CABLES1: variants seen among roughly 807,000 people sequenced by gnomAD.
The protein encoded by CABLES1 is CDK5 and ABL1 enzyme substrate 1.
A neutral mutation model predicts 57.8 loss-of-function variants in CABLES1; 36 were observed. The ratio of observed to expected loss-of-function variants is 0.62; its 90% CI spans 0.48 to 0.82. The LOEUF (loss-of-function observed/expected upper bound fraction) is 0.82. CABLES1 is among the 40% of genes least tolerant of loss of function. The pLI, the probability that CABLES1 is intolerant of heterozygous loss-of-function variation, is 0.00. For synonymous variants in CABLES1, 374 were observed against 363.0 expected, an observed-to-expected ratio of 1.03 and a Z score of -0.35; for missense variants, 767 against 836.6, an observed-to-expected ratio of 0.92 and a Z score of 1.03.
At chr18:23,151,810 C>A (rs1158382736) in intron 1 of CABLES1, among the ~76,000 whole-genome samples, 1 of 152,120 alleles carries the variant, frequency 6.6e-6, no homozygotes, top group Non-Finnish European at 1.5e-5. Context: ...TGGTGCAGAC[C>A]AGGGCCAGAA....
chr18:23,194,876 T>A (rs2047270801), intron 3 of CABLES1, among the ~76,000 whole-genome samples: 2 of 152,194 alleles, frequency 1.3e-5, no homozygotes, highest in African/African-American at 4.8e-5. Context: ...ATCTGCTTTG[T>A]TGGTTTTGTT....
At chr18:23,147,602 T>C (rs1162751899) in intron 1 of CABLES1, among the ~76,000 whole-genome samples, 3 of 152,244 alleles carry the variant, frequency 2.0e-5, no homozygotes, top group Non-Finnish European at 2.9e-5. Context: ...TGCTGCATTG[T>C]TTTAGTTTCA....
chr18:23,202,041 G>GT (rs1383069506), intron 3 of CABLES1, among the ~76,000 whole-genome samples: 2 of 148,782 alleles, frequency 1.3e-5, no homozygotes, highest in African/African-American at 5.1e-5. Context: ...GGAGGTGATT[G>GT]AGAGGAAGGA....
intron 1 of CABLES1, among the ~76,000 whole-genome samples, chr18:23,174,841 T>C (rs2047111405): frequency 7.0e-6 from 1 of 142,112 alleles, no homozygotes; most frequent in Admixed American, 7.1e-5. Context: ...TATATATATA[T>C]ATATATATAT....
intron 1 of CABLES1, among the ~76,000 whole-genome samples, chr18:23,161,039 AAG>A (rs1180660567): frequency 6.6e-6 from 1 of 151,894 alleles, no homozygotes; most frequent in Admixed American, 6.6e-5. Context: ...ACTCAAAAAA[AAG>A]AGAGAAGAAA....
rs1421074055 is a variant in CABLES1 at position 23,235,885 on chromosome 18, CA to C, written c.1186-9del. The C allele has an allele frequency of 6.2e-7, 1 of 1,613,158 alleles. No homozygotes were observed. Among genetic ancestry groups the C allele is most frequent in the Non-Finnish European group, 8.5e-7 (1 of 1,179,420 alleles). ...ATAATCACTGGCCTGTTTTTGTCTT[CA>C]CCTTTTAGACTGTTTCCTATACCCA... On this transcript the variant is annotated splice_polypyrimidine_tract_variant and intron_variant, in intron 5 of 9. Transcript: ENST00000256925.
intron 1 of CABLES1, among the ~76,000 whole-genome samples, chr18:23,186,573 G>GCAC (rs1449869283): frequency 2.6e-5 from 4 of 151,946 alleles, no homozygotes; most frequent in African/African-American, 9.7e-5. Flanking sequence ...TTACAAGCAT[G>GCAC]CACCACCACA....
intron 7 of CABLES1, among the ~76,000 whole-genome samples, chr18:23,246,597 T>C (rs147936330): frequency 0.015 from 2,264 of 151,864 alleles, 53 homozygotes; most frequent in African/African-American, 0.048. Flanking sequence ...TTCACCGTGT[T>C]AGCCAGGATG....
intron 1 of CABLES1, among the ~76,000 whole-genome samples, chr18:23,179,557 G>T (rs1394221390): frequency 6.6e-6 from 1 of 152,234 alleles, no homozygotes; most frequent in African/African-American, 2.4e-5. Flanking sequence ...GACTGGTCAA[G>T]ACCAAATGCT....
chr18:23,219,937 G>A (rs2047473967), intron 4 of CABLES1, among the ~76,000 whole-genome samples: 1 of 152,062 alleles, frequency 6.6e-6, no homozygotes, highest in South Asian at 2.1e-4. Context: ...GGGCAGATCT[G>A]GTGGCTTCTT....
chr18:23,143,448 A>G (rs976132219), intron 1 of CABLES1, among the ~76,000 whole-genome samples: 3 of 152,256 alleles, frequency 2.0e-5, no homozygotes, highest in Admixed American at 6.5e-5. Flanking sequence ...TGAAATGGGA[A>G]TGATACTACC....
At chr18:23,166,768 C>T (rs536828887) in intron 1 of CABLES1, among the ~76,000 whole-genome samples, 13 of 152,288 alleles carry the variant, frequency 8.5e-5, no homozygotes, top group African/African-American at 2.9e-4. Flanking sequence ...AGTGTCGTTT[C>T]TTCACTAACT....
At chr18:23,171,029 C>T (rs2047078607) in intron 1 of CABLES1, among the ~76,000 whole-genome samples, 1 of 152,224 alleles carries the variant, frequency 6.6e-6, no homozygotes, top group Admixed American at 6.5e-5. Flanking sequence ...AACTCCTGAC[C>T]TCATGATCCG....
At chr18:23,210,896 A>G (rs1013654514) in intron 3 of CABLES1, among the ~76,000 whole-genome samples, 18 of 151,450 alleles carry the variant, frequency 1.2e-4, no homozygotes, top group Non-Finnish European at 2.2e-4. Flanking sequence ...GAGGTGTGAT[A>G]CTCCCTCCTC....
intron 9 of CABLES1, among the ~76,000 whole-genome samples, chr18:23,256,861 T>C (rs566501642): frequency 6.6e-6 from 1 of 152,242 alleles, no homozygotes; most frequent in Non-Finnish European, 1.5e-5. Flanking sequence ...TAGGGTGGAC[T>C]CTTAGTGCTG....
intron 1 of CABLES1, among the ~76,000 whole-genome samples, chr18:23,172,843 A>G (rs1011722072): frequency 4.6e-5 from 7 of 152,226 alleles, no homozygotes; most frequent in African/African-American, 1.7e-4. Context: ...TATATTTCCA[A>G]GCGAGCTGTT....
intron 1 of CABLES1, among the ~76,000 whole-genome samples, chr18:23,152,416 C>A (rs2144962991): frequency 6.6e-6 from 1 of 151,508 alleles, no homozygotes; most frequent in South Asian, 2.1e-4. Flanking sequence ...GGAGATTTTC[C>A]TTTTTCTCCC....
intron 1 of CABLES1, among the ~76,000 whole-genome samples, chr18:23,145,067 C>T (rs1016686248): frequency 1.3e-5 from 2 of 152,164 alleles, no homozygotes; most frequent in East Asian, 1.9e-4. Context: ...TCCCAAGTAG[C>T]TGGGATTACA....
Position 23,168,786 on chromosome 18 carries a change from G to A in CABLES1, c.846-20052G>A, listed in dbSNP as rs542033970. On this transcript the variant is annotated intron_variant, in intron 1 of 9. Transcript: ENST00000256925. ...CTCGCTCCATGTCCCTGCTGATGAG[G>A]CCCTGGGTGCTGGAGAAGAGCAATC... 5.9e-5 allele frequency among the ~76,000 whole-genome samples: 9 copies of A among 152,250 alleles called. No individual in the cohort carries two copies. The South Asian group carries it at 1.7e-3, about 28-fold the overall frequency.
Sources: allele counts gnomAD v4.1 joint callset (sites outside exome capture counted in the v4.1 genomes callset), GRCh38; gene constraint gnomAD v4.1.1; transcripts MANE v1.5; gene names NCBI Gene and HGNC (gene_info 2026-07-23, HGNC 2026-07-21).